The following C5AR2 variants were observed in gnomAD, a reference collection of about 807,000 sequenced individuals.
The protein encoded by C5AR2 is complement C5a receptor 2.
For synonymous variants in C5AR2, 224 were observed against 216.5 expected (o/e 1.03, Z -0.30); for missense variants, 458 against 467.5 (o/e 0.98, Z 0.19).
rs1474216280 is a variant in C5AR2 at position 47,344,723 on chromosome 19, TA to T, written c.*2913del. On this transcript the variant is annotated 3_prime_UTR_variant, in exon 2 of 2. Coordinates refer to ENST00000595464, the MANE Select transcript of C5AR2 (RefSeq NM_001271749.2). ...AGTCTCTGGAACACAAGGTCCCAGC[TA>T]AACTGTAAATTCCCCAAGGGTAACA... 1.3e-5 allele frequency: 2 copies of T among 152,188 alleles called. No homozygotes were observed. The highest frequency in any genetic ancestry group is 4.8e-5 in the African/African-American group (2 of 41,456). The allele number at this position is 152,188 out of a possible 1,614,324, so 9.4% of individuals were successfully genotyped here.
At position 47,344,372 on chromosome 19, in the gene C5AR2, T is replaced by C. The variant is rs543014753; in HGVS notation, c.*2559T>C. The C allele has an allele frequency of 6.6e-6, 1 of 151,760 alleles. No homozygotes were observed. Among genetic ancestry groups the C allele is most frequent in the East Asian group, 2.0e-4 (1 of 5,112 alleles). 9.4% of individuals were successfully genotyped at this position (151,760 alleles called of 1,614,324 possible). A position where few individuals can be genotyped will look rare whatever the true frequency, so the allele number is the denominator to read the frequency against. ...TAAATAAATAAATAAATAAATAACA[T>C]AGTAGTGATACCTGTGTCTGCGGTC... On this transcript the variant is annotated 3_prime_UTR_variant, in exon 2 of 2. Coordinates refer to ENST00000595464, the MANE Select transcript of C5AR2 (RefSeq NM_001271749.2).
chr19:47,335,771 C>CAAAAAA (rs768761019), intron 1 of C5AR2, among the ~76,000 whole-genome samples: 9,436 of 23,016 alleles, frequency 0.41, 4,476 homozygotes, highest in Non-Finnish European at 0.46. Context: ...TACTCCGTCT[C>CAAAAAA]AAAAAAAAAA....
In C5AR2 at chr19:47,341,373, G is replaced by T. The variant is rs767179541; in HGVS notation, c.574G>T (p.Gly192Cys). The T allele has an allele frequency of 1.9e-6, 3 of 1,612,450 alleles. No individual in the cohort carries two copies. The highest frequency in any genetic ancestry group is 1.1e-5 in the South Asian group (1 of 91,078). The change falls in exon 2 of 2, where the codon GGC (glycine) becomes TGC (cysteine). Residue 192 changes from glycine to cysteine, a missense_variant. Physicochemically the swap from Gly to Cys is radical, Grantham distance 159. Transcript: ENST00000595464. The surrounding 1 kb of genome is among the most constrained non-coding windows in gnomAD (Gnocchi z 4.6). ...GCTGCAGTGTGTGGTGGACTACGGCGGCTCCTCCAGCACCGAGAATGCGGT... is the reference window on the plus strand; with the variant it reads ...GCTGCAGTGTGTGGTGGACTACGGCTGCTCCTCCAGCACCGAGAATGCGGT... ...ARLQCVVDYG[G>C]SSSTENAVTA...
At chr19:47,339,838 T>C (rs950533180) in intron 1 of C5AR2, among the ~76,000 whole-genome samples, 3 of 152,218 alleles carry the variant, frequency 2.0e-5, no homozygotes, top group Non-Finnish European at 2.9e-5. Context: ...CAAGAAGCCT[T>C]CCCTGACCAT....
rs1969084527 is a variant in C5AR2 at position 47,344,122 on chromosome 19, C to T, written c.*2309C>T. The T allele has an allele frequency of 6.6e-6, 1 of 151,952 alleles. No homozygotes were observed. Among genetic ancestry groups the T allele is most frequent in the Non-Finnish European group, 1.5e-5 (1 of 68,014 alleles). 9.4% of individuals were successfully genotyped at this position (151,952 alleles called of 1,614,324 possible). A position where few individuals can be genotyped will look rare whatever the true frequency, so the allele number is the denominator to read the frequency against. On this transcript the variant is annotated 3_prime_UTR_variant, in exon 2 of 2. Coordinates refer to ENST00000595464, the MANE Select transcript of C5AR2 (RefSeq NM_001271749.2). ...TTTCGGAGGCCCAGTCGGGAGGATC[C>T]CTTGAGCCCAGAAGCTGGAGACCTG...
Position 47,343,029 on chromosome 19 carries a change from G to A in C5AR2, c.*1216G>A, listed in dbSNP as rs1969068619. 1 of 152,136 alleles carries A rather than the reference G, an allele frequency of 6.6e-6. No homozygotes were observed. The highest frequency in any genetic ancestry group is 1.5e-5 in the Non-Finnish European group (1 of 68,056). 9.4% of individuals were successfully genotyped at this position (152,136 alleles called of 1,614,324 possible). Reference sequence around the variant, plus strand: ...AGAGGTGACCTTCCATGGCAAAAGGGACTTTGCAGGTGAGATTAAGTAAAG... The same window carrying A: ...AGAGGTGACCTTCCATGGCAAAAGGAACTTTGCAGGTGAGATTAAGTAAAG... On this transcript the variant is annotated 3_prime_UTR_variant, in exon 2 of 2. Coordinates refer to ENST00000595464, the MANE Select transcript of C5AR2 (RefSeq NM_001271749.2).
At chr19:47,340,387 C>G (rs886547685) in intron 1 of C5AR2, among the ~76,000 whole-genome samples, 1 of 147,688 alleles carries the variant, frequency 6.8e-6, no homozygotes, top group Non-Finnish European at 1.5e-5. Flanking sequence ...CACTCTGTCT[C>G]CCAGGCTGGA....
At position 47,341,334 on chromosome 19, in the gene C5AR2, C is replaced by G. The variant is rs747227053; in HGVS notation, c.535C>G (p.His179Asp). 6.2e-7 allele frequency: 1 copy of G among 1,611,624 alleles called. No homozygotes were observed. The highest frequency in any genetic ancestry group is 1.7e-5 in the Admixed American group (1 of 60,000). ...SAIYRRLHQE[H>D]FPARLQCVVD... ...CATCTACCGCCGGCTGCACCAGGAG[C>G]ACTTCCCAGCCCGGCTGCAGTGTGT... The change falls in exon 2 of 2, where the codon CAC (histidine) becomes GAC (aspartate). Residue 179 changes from histidine to aspartate, a missense_variant. His to Asp is a moderately conservative substitution (Grantham distance 81). Coordinates refer to ENST00000595464, the MANE Select transcript of C5AR2 (RefSeq NM_001271749.2). This position sits in a 1 kb window ranked among gnomAD's most constrained non-coding sequence, Gnocchi z 4.6.
chr19:47,338,539 C>T (rs1436254229), intron 1 of C5AR2, among the ~76,000 whole-genome samples: 1 of 149,262 alleles, frequency 6.7e-6, no homozygotes, highest in Non-Finnish European at 1.5e-5. Flanking sequence ...TATTGTCAGG[C>T]ACAGTGGCAA....
At chr19:47,337,222 A>C (rs1295861171) in intron 1 of C5AR2, 1 of 152,306 alleles carries the variant, frequency 6.6e-6, no homozygotes, top group East Asian at 1.9e-4. Context: ...AGGCACAGCC[A>C]GCTGCAACTG....
At position 47,346,430 on chromosome 19, in the gene C5AR2, GTGGTGGCTCA is replaced by G. The variant is rs1229459875; in HGVS notation, c.*4620_*4629del. 6.6e-6 allele frequency: 1 copy of G among 152,130 alleles called. No homozygotes were observed. Among genetic ancestry groups the G allele is most frequent in the African/African-American group, 2.4e-5 (1 of 41,408 alleles). The allele number at this position is 152,130 out of a possible 1,614,324, so 9.4% of individuals were successfully genotyped here. A position where few individuals can be genotyped will look rare whatever the true frequency, so the allele number is the denominator to read the frequency against. On this transcript the variant is annotated 3_prime_UTR_variant, in exon 2 of 2. Coordinates refer to ENST00000595464, the MANE Select transcript of C5AR2 (RefSeq NM_001271749.2). Reference sequence around the variant, plus strand: ...GGCTAAAAATAGGTATAGGCTGGGCGTGGTGGCTCATGTCTGTAATCCCAGTACTTTGGGA... The same window carrying G: ...GGCTAAAAATAGGTATAGGCTGGGCGTGTCTGTAATCCCAGTACTTTGGGA...
chr19:47,340,432 C>T (rs1327739598), intron 1 of C5AR2, among the ~76,000 whole-genome samples: 5 of 151,718 alleles, frequency 3.3e-5, no homozygotes, highest in Non-Finnish European at 7.4e-5. Flanking sequence ...CTGCCACCTC[C>T]ACCTTCTGGG....
Position 47,346,604 on chromosome 19 carries a change from T to G in C5AR2, c.*4791T>G, listed in dbSNP as rs573937249. On this transcript the variant is annotated 3_prime_UTR_variant, in exon 2 of 2. Transcript: ENST00000595464. ...CCTGTAGACTCAGCTACTCGGGAGG[T>G]TGAGGCAGGAGAATGGCGTGAACCC... 1.3e-5 allele frequency: 2 copies of G among 151,080 alleles called. No homozygotes were observed. The highest frequency in any genetic ancestry group is 2.9e-5 in the Non-Finnish European group (2 of 67,830). The allele number at this position is 151,080 out of a possible 1,614,324, so 9.4% of individuals were successfully genotyped here.
At chr19:47,336,193 G>A (rs1414384825) in intron 1 of C5AR2, among the ~76,000 whole-genome samples, 2 of 151,848 alleles carry the variant, frequency 1.3e-5, no homozygotes, top group Non-Finnish European at 2.9e-5. Context: ...GGGTTCCAGC[G>A]ATTCTCTTGC....
At position 47,345,652 on chromosome 19, in the gene C5AR2, C is replaced by T. The variant is rs1969109663; in HGVS notation, c.*3839C>T. On this transcript the variant is annotated 3_prime_UTR_variant, in exon 2 of 2. Transcript: ENST00000595464. ...CCTCCCAAAGTGCTGGGATTACAGA[C>T]ATGAGCCACCACGCCCGGCCTGATA... The T allele has an allele frequency of 6.6e-6, 1 of 151,876 alleles. No homozygotes were observed. The highest frequency in any genetic ancestry group is 1.5e-5 in the Non-Finnish European group (1 of 68,000). 9.4% of individuals were successfully genotyped at this position (151,876 alleles called of 1,614,324 possible).
In C5AR2 at chr19:47,344,808, C is replaced by G. The variant is rs1969095506; in HGVS notation, c.*2995C>G. 1 of 152,112 alleles carries G rather than the reference C, an allele frequency of 6.6e-6. No individual in the cohort carries two copies. The highest frequency in any genetic ancestry group is 2.4e-5 in the African/African-American group (1 of 41,418). The allele number at this position is 152,112 out of a possible 1,614,324, so 9.4% of individuals were successfully genotyped here. ...TATTTTTTTGAGATGAAGTCTTGCT[C>G]TGTCACCCAGGCTGGATTGTAGTGG... On this transcript the variant is annotated 3_prime_UTR_variant, in exon 2 of 2. Transcript: ENST00000595464.
Position 47,340,795 on chromosome 19 carries a change from C to G in C5AR2, c.-5C>G. On this transcript the variant is annotated 5_prime_UTR_variant, in exon 2 of 2. Coordinates refer to ENST00000595464, the MANE Select transcript of C5AR2 (RefSeq NM_001271749.2). ...TTCTCTCCTGCCCAGACACCAGGAG[C>G]CTGAATGGGGAACGATTCTGTCAGC... 6.2e-7 allele frequency: 1 copy of G among 1,613,248 alleles called. No individual in the cohort carries two copies. The highest frequency in any genetic ancestry group is 8.5e-7 in the Non-Finnish European group (1 of 1,179,880).
chr19:47,344,199 T>A lies in C5AR2; in HGVS notation c.*2386T>A, dbSNP rs1471228699. On this transcript the variant is annotated 3_prime_UTR_variant, in exon 2 of 2. Transcript: ENST00000595464. ...TCTACAAAAATAAAAAAAAGAAAAT[T>A]AGCCTGGTTTGGTGGCACATGCCTG... 6.6e-6 allele frequency: 1 copy of A among 152,016 alleles called. No homozygotes were observed. The highest frequency in any genetic ancestry group is 1.5e-5 in the Non-Finnish European group (1 of 68,024). The allele number at this position is 152,016 out of a possible 1,614,324, so 9.4% of individuals were successfully genotyped here.
intron 1 of C5AR2, among the ~76,000 whole-genome samples, chr19:47,333,508 A>G (rs1474445115): frequency 6.6e-6 from 1 of 151,840 alleles, no homozygotes. Flanking sequence ...TCTTTTGCGG[A>G]AAGGAGGCTG....
Sources: allele counts gnomAD v4.1 joint callset (sites outside exome capture counted in the v4.1 genomes callset), GRCh38; gene constraint gnomAD v4.1.1; non-coding constraint Gnocchi (gnomAD v3.1); transcripts MANE v1.5; gene names NCBI Gene and HGNC (gene_info 2026-07-23, HGNC 2026-07-21).